Variants in MYO16 observed in about 807,000 individuals in gnomAD.
MYO16 encodes unconventional myosin-XVI.
MYO16 carries 94 observed loss-of-function variants against 205.3 expected under a neutral mutation model. The ratio of observed to expected loss-of-function variants is 0.46; its 90% CI spans 0.39 to 0.54. The LOEUF is 0.54. MYO16 is among the 20% of genes least tolerant of loss of function. The pLI is 0.00. For synonymous variants in MYO16, 988 were observed against 954.0 expected, an observed-to-expected ratio of 1.04 and a Z score of -0.66; for missense variants, 2,315 against 2,387.5, an observed-to-expected ratio of 0.97 and a Z score of 0.63.
chr13:108,827,102 A>G (rs1406759119), intron 9 of MYO16, among the ~76,000 whole-genome samples: 1 of 152,164 alleles, frequency 6.6e-6, no homozygotes, highest in Non-Finnish European at 1.5e-5. Flanking sequence ...TATTCATAGG[A>G]GTTTTATATA....
chr13:109,079,953 G>A (rs1888232864), intron 27 of MYO16, among the ~76,000 whole-genome samples: 1 of 146,298 alleles, frequency 6.8e-6, no homozygotes, highest in African/African-American at 2.5e-5. Flanking sequence ...TCAGCTCACT[G>A]CAACCTCCAC....
chr13:109,025,867 A>AT (rs1357828045), intron 23 of MYO16, among the ~76,000 whole-genome samples: 2 of 152,220 alleles, frequency 1.3e-5, no homozygotes, highest in Non-Finnish European at 2.9e-5. Flanking sequence ...AGTAATAAAA[A>AT]TTGCATTAAT....
chr13:108,588,965 G>A, the MYO16 span, among the ~76,000 whole-genome samples: 1 of 152,006 alleles, frequency 6.6e-6, no homozygotes, highest in African/African-American at 2.4e-5. Flanking sequence ...TGTGGACTGT[G>A]TGTACAACAC....
chr13:109,179,716 A>C, intron 34 of MYO16, 83 bp downstream of exon 34: 1 of 1,125,968 alleles, frequency 8.9e-7, no homozygotes, highest in South Asian at 1.3e-5. Flanking sequence ...TTACCAATAG[A>C]TGCTCTGTGT....
intron 20 of MYO16, among the ~76,000 whole-genome samples, chr13:108,966,166 T>C (rs551304966): frequency 6.6e-6 from 1 of 152,086 alleles, no homozygotes; most frequent in South Asian, 2.1e-4. Flanking sequence ...AGCAGAAATA[T>C]TGTAGTATTT....
intron 11 of MYO16, among the ~76,000 whole-genome samples, chr13:108,864,457 T>C (rs920125489): frequency 1.3e-5 from 2 of 152,182 alleles, no homozygotes; most frequent in Non-Finnish European, 2.9e-5. Context: ...CAGTATCTTT[T>C]TAATTAAAAT....
intron 4 of MYO16, among the ~76,000 whole-genome samples, chr13:108,730,066 G>A (rs1200130590): frequency 6.6e-6 from 1 of 152,126 alleles, no homozygotes; most frequent in Non-Finnish European, 1.5e-5. Flanking sequence ...CAGCATCTAG[G>A]AGACTGGTAT....
intron 6 of MYO16, among the ~76,000 whole-genome samples, chr13:108,795,356 A>G (rs995312558): frequency 5.1e-4 from 78 of 151,924 alleles, no homozygotes; most frequent in African/African-American, 1.6e-3. Flanking sequence ...CTACAGGCGC[A>G]TGTCACCACG....
intron 32 of MYO16, among the ~76,000 whole-genome samples, chr13:109,160,515 G>C (rs991254713): frequency 6.6e-6 from 1 of 151,954 alleles, no homozygotes; most frequent in African/African-American, 2.4e-5. Flanking sequence ...AACACTGCAG[G>C]TGTCCAAACC....
At position 109,019,857 on chromosome 13, in the gene MYO16, T is replaced by C; in HGVS notation, c.2742T>C (p.Asn914=). 2 of 1,614,166 alleles carry C rather than the reference T, an allele frequency of 1.2e-6. No homozygotes were observed. Among genetic ancestry groups the C allele is most frequent in the Non-Finnish European group, 1.7e-6 (2 of 1,180,018 alleles). Residue 914 remains asparagine, a synonymous_variant, in exon 23 of 35, where the codon AAT becomes AAC. Coordinates refer to ENST00000457511, the MANE Select transcript of MYO16 (RefSeq NM_001198950.3). ...CCCCCATGAAGGATGGGAATGGGAA[T>C]GTTGCCCTCAAAGACCACGGTACAG... ...VYSPMKDGNG[N]VALKDHGTAF...
chr13:108,954,276 A>G (rs1157813669), intron 16 of MYO16, among the ~76,000 whole-genome samples: 8 of 152,156 alleles, frequency 5.3e-5, no homozygotes, highest in Admixed American at 3.9e-4. Context: ...CTTTGACTCT[A>G]ATGAAAACAG....
At chr13:108,823,386 G>C in intron 9 of MYO16, 108 bp downstream of exon 9, 2 of 1,055,660 alleles carry the variant, frequency 1.9e-6, no homozygotes, top group East Asian at 4.9e-5. Flanking sequence ...CAATTAAAAT[G>C]GTTTATCAAT....
chr13:108,746,577 C>T (rs1885071938), intron 4 of MYO16, among the ~76,000 whole-genome samples: 1 of 151,872 alleles, frequency 6.6e-6, no homozygotes, highest in Non-Finnish European at 1.5e-5. Flanking sequence ...GATGGATTTC[C>T]CAATATACTG....
intron 15 of MYO16, among the ~76,000 whole-genome samples, chr13:108,908,581 C>G (rs557889495): frequency 6.6e-6 from 1 of 152,226 alleles, no homozygotes; most frequent in African/African-American, 2.4e-5. Flanking sequence ...ATTTGCCTTT[C>G]TAAGAACTGC....
rs1876290509 is a variant in MYO16 at position 109,127,121 on chromosome 13, C to T, written c.3783-161C>T. Among the ~76,000 whole-genome samples the T allele has an allele frequency of 6.6e-6, 1 of 152,122 alleles. No individual in the cohort carries two copies. Among genetic ancestry groups the T allele is most frequent in the Admixed American group, 6.5e-5 (1 of 15,274 alleles). ...AGAGGACGGGTGGCCTTCTCTGGAC[C>T]AACTGGTCACCAGAGGGCTGCACAC... On this transcript the variant is annotated intron_variant, in intron 30 of 34. Transcript: ENST00000457511. The surrounding 1 kb of genome is among the most constrained non-coding windows in gnomAD (Gnocchi z 4.2).
intron 20 of MYO16, among the ~76,000 whole-genome samples, chr13:108,983,335 A>G (rs916431513): frequency 1.3e-5 from 2 of 152,172 alleles, no homozygotes; most frequent in Non-Finnish European, 2.9e-5. Flanking sequence ...GATCAGCCCC[A>G]GGACAGTGTT....
chr13:109,039,023 T>C (rs913930974), intron 23 of MYO16, among the ~76,000 whole-genome samples: 3 of 149,188 alleles, frequency 2.0e-5, no homozygotes, highest in African/African-American at 7.3e-5. Flanking sequence ...TAAAGAAGTG[T>C]TTCAGCCCAT....
At chr13:108,668,071 T>G (rs1014062087) in intron 2 of MYO16, among the ~76,000 whole-genome samples, 6 of 152,210 alleles carry the variant, frequency 3.9e-5, no homozygotes, top group African/African-American at 1.4e-4. Context: ...GGAAATGTTT[T>G]AAAATTTCTT....
intron 23 of MYO16, among the ~76,000 whole-genome samples, chr13:109,043,886 C>T (rs1244435392): frequency 2.6e-5 from 4 of 152,076 alleles, no homozygotes; most frequent in Admixed American, 6.5e-5. Context: ...AGAAATATGG[C>T]CATCTTCTGA....
Sources: allele counts gnomAD v4.1 joint callset (sites outside exome capture counted in the v4.1 genomes callset), GRCh38; gene constraint gnomAD v4.1.1; non-coding constraint Gnocchi (gnomAD v3.1); transcripts MANE v1.5; gene names NCBI Gene and HGNC (gene_info 2026-07-23, HGNC 2026-07-21).